CHP1: variants seen among roughly 807,000 people sequenced by gnomAD.
CHP1 encodes the protein calcineurin like EF-hand protein 1.
Under a neutral mutation model 27.4 loss-of-function variants are expected in CHP1, and 11 were observed. The observed-to-expected ratio is 0.40, with a 90% CI of 0.25 to 0.67. The LOEUF (loss-of-function observed/expected upper bound fraction) is 0.67, where lower values mean the gene tolerates loss of function less well. Ranked by LOEUF, CHP1 falls within the 30% of genes least tolerant of loss-of-function variation. The pLI, the probability that CHP1 is intolerant of heterozygous loss-of-function variation, is 0.38. For missense variants in CHP1, 169 were observed against 251.3 expected (o/e 0.67, Z 2.22); for synonymous variants, 89 against 87.4 (o/e 1.02, Z -0.10).
chr15:41,244,160 T>G lies in CHP1; in HGVS notation c.140+421T>G, dbSNP rs2047321524. Among the ~76,000 whole-genome samples, 16 of 145,762 alleles carry G rather than the reference T, an allele frequency of 1.1e-4. No homozygotes were observed. In the Admixed American group the frequency reaches 1.1e-3, roughly 10 times the overall value. On this transcript the variant is annotated intron_variant, in intron 2 of 6. Coordinates refer to ENST00000334660, the MANE Select transcript of CHP1 (RefSeq NM_007236.5). ...TCGCAGTGAGCAAAGATCACGCCAC[T>G]GCACTCCAGCCTCGGCAACAGAGCA...
At chr15:41,259,626 G>GT (rs1190971577) in intron 3 of CHP1, among the ~76,000 whole-genome samples, 5 of 149,932 alleles carry the variant, frequency 3.3e-5, no homozygotes, top group African/African-American at 1.2e-4. Flanking sequence ...TCATTAATGT[G>GT]TTTTTTCTAG....
At chr15:41,266,942 G>C (rs1438618755) in intron 4 of CHP1, among the ~76,000 whole-genome samples, 9 of 152,072 alleles carry the variant, frequency 5.9e-5, no homozygotes, top group Non-Finnish European at 1.3e-4. Flanking sequence ...GGAGGTTGCA[G>C]TGAGCTGAGA....
At chr15:41,252,880 T>C (rs185935936) in intron 2 of CHP1, among the ~76,000 whole-genome samples, 187 of 150,752 alleles carry the variant, frequency 1.2e-3, no homozygotes, top group African/African-American at 4.5e-3. Context: ...CAGAACATAA[T>C]GTTGGTATGC....
intron 4 of CHP1, among the ~76,000 whole-genome samples, chr15:41,268,962 C>T (rs1595481346): frequency 1.3e-5 from 2 of 151,466 alleles, no homozygotes; most frequent in Admixed American, 1.3e-4. Context: ...TCTGTCTCAA[C>T]AACAACAACA....
In CHP1 at chr15:41,262,835, G is replaced by A; in HGVS notation, c.301G>A (p.Asp101Asn). 1 of 1,614,102 alleles carries A rather than the reference G, an allele frequency of 6.2e-7. No individual in the cohort carries two copies. Among genetic ancestry groups the A allele is most frequent in the East Asian group, 2.2e-5 (1 of 44,884 alleles). Reference protein sequence around the residue: ...RPIEDNEKSKDVNGPEPLNSR... With the variant: ...RPIEDNEKSKNVNGPEPLNSR... ...CATTGAGGATAATGAAAAGAGCAAA[G>A]ATGTGAATGGACCCGAACCACTCAA... Residue 101 changes from aspartate to asparagine, a missense_variant, in exon 4 of 7, where the codon GAT becomes AAT. By Grantham distance (23) the Asp-to-Asn change is conservative. Coordinates refer to ENST00000334660, the MANE Select transcript of CHP1 (RefSeq NM_007236.5).
chr15:41,241,541 C>T (rs2047307076), intron 1 of CHP1, among the ~76,000 whole-genome samples: 1 of 152,218 alleles, frequency 6.6e-6, no homozygotes, highest in African/African-American at 2.4e-5. Flanking sequence ...GTACACTTTA[C>T]AGTGAGCCAT....
Position 41,279,230 on chromosome 15 carries a change from AC to A in CHP1, c.535-105del, listed in dbSNP as rs201040186. 341 of 900,058 alleles carry A rather than the reference AC, an allele frequency of 3.8e-4. 2 individuals carry two copies. In the African/African-American group the frequency reaches 5.4e-3, roughly 14 times the overall value. 55.8% of individuals were successfully genotyped at this position (900,058 alleles called of 1,614,324 possible). A position where few individuals can be genotyped will look rare whatever the true frequency, so the allele number is the denominator to read the frequency against. On this transcript the variant is annotated intron_variant, in intron 6 of 6. Coordinates refer to ENST00000334660, the MANE Select transcript of CHP1 (RefSeq NM_007236.5). Reference sequence around the variant, plus strand: ...GCCTCCAAAAAAAAAAAAAAAAGTTACGTTTTACTGCACAGGAGGAAGGGGG... The same window carrying A: ...GCCTCCAAAAAAAAAAAAAAAAGTTAGTTTTACTGCACAGGAGGAAGGGGG...
At chr15:41,231,530 G>T (rs2047242066) in intron 1 of CHP1, 81 bp downstream of exon 1, 1 of 1,384,438 alleles carries the variant, frequency 7.2e-7, no homozygotes, top group Non-Finnish European at 1.0e-6. Flanking sequence ...AAGGTCTGGA[G>T]CTCGGGTGCC....
chr15:41,270,733 C>G, intron 5 of CHP1, 115 bp downstream of exon 5: 1 of 796,422 alleles, frequency 1.3e-6, no homozygotes, highest in Non-Finnish European at 2.1e-6. Context: ...TGTGCAGAGT[C>G]CTGTCCTGGT....
chr15:41,245,187 A>G (rs2047328087), intron 2 of CHP1, among the ~76,000 whole-genome samples: 1 of 152,178 alleles, frequency 6.6e-6, no homozygotes, highest in Admixed American at 6.5e-5. Context: ...CTGGCTGGAC[A>G]CGGTGGCTCA....
intron 1 of CHP1, among the ~76,000 whole-genome samples, chr15:41,238,192 CTG>C (rs1366418180): frequency 1.3e-5 from 2 of 151,614 alleles, no homozygotes; most frequent in Non-Finnish European, 2.9e-5. Flanking sequence ...GGGTCTCACT[CTG>C]TCACCCAGGT....
intron 2 of CHP1, among the ~76,000 whole-genome samples, chr15:41,249,127 C>T (rs915719995): frequency 1.3e-5 from 2 of 152,204 alleles, no homozygotes; most frequent in East Asian, 1.9e-4. Context: ...AGTGCTCATC[C>T]GAATACAAGT....
chr15:41,257,559 T>C (rs2047406905), intron 3 of CHP1, among the ~76,000 whole-genome samples: 1 of 151,806 alleles, frequency 6.6e-6, no homozygotes, highest in Non-Finnish European at 1.5e-5. Context: ...GATCCTTTTT[T>C]CGTTTGTTTG....
chr15:41,256,842 C>A, intron 2 of CHP1, 68 bp from the exon 3 acceptor site: 1 of 1,303,158 alleles, frequency 7.7e-7, no homozygotes, highest in African/African-American at 1.5e-5. Flanking sequence ...ACCCTGTTAC[C>A]TCCTGACTTA....
At chr15:41,252,132 A>G (rs1041483577) in intron 2 of CHP1, among the ~76,000 whole-genome samples, 1 of 151,634 alleles carries the variant, frequency 6.6e-6, no homozygotes, top group Non-Finnish European at 1.5e-5. Flanking sequence ...GTTGTACCAT[A>G]TGCTTAACCT....
At chr15:41,231,511 G>T (rs1263737944) in intron 1 of CHP1, 62 bp downstream of exon 1, 4 of 1,517,642 alleles carry the variant, frequency 2.6e-6, no homozygotes, top group Admixed American at 2.0e-5. Flanking sequence ...ACCAAGGGCG[G>T]CTGTCGCTAA....
At chr15:41,236,207 G>C (rs1004820095) in intron 1 of CHP1, among the ~76,000 whole-genome samples, 1 of 151,384 alleles carries the variant, frequency 6.6e-6, no homozygotes, top group Non-Finnish European at 1.5e-5. Flanking sequence ...GACTTTCAAA[G>C]TACTGGGATT....
intron 3 of CHP1, among the ~76,000 whole-genome samples, chr15:41,261,337 A>G (rs910975673): frequency 3.3e-5 from 5 of 151,398 alleles, no homozygotes; most frequent in African/African-American, 4.9e-5. Context: ...TTGTATTTTT[A>G]GTAGAGACAG....
intron 2 of CHP1, among the ~76,000 whole-genome samples, chr15:41,250,730 C>T (rs1282107709): frequency 6.7e-6 from 1 of 149,910 alleles, no homozygotes; most frequent in East Asian, 1.9e-4. Flanking sequence ...AGAAGGTTCA[C>T]CTAATGCTGA....
Sources: allele counts gnomAD v4.1 joint callset (sites outside exome capture counted in the v4.1 genomes callset), GRCh38; gene constraint gnomAD v4.1.1; transcripts MANE v1.5; gene names NCBI Gene and HGNC (gene_info 2026-07-23, HGNC 2026-07-21).